ESCO1: variants seen among roughly 807,000 people sequenced by gnomAD.
The protein encoded by ESCO1 is establishment of sister chromatid cohesion N-acetyltransferase 1, also known as N-acetyltransferase ESCO1.
A neutral mutation model predicts 83.5 loss-of-function variants in ESCO1; 33 were observed. The observed-to-expected ratio is 0.40, with a 90% CI of 0.30 to 0.53. ESCO1 has a LOEUF of 0.53. ESCO1 is among the 20% of genes least tolerant of loss of function. The pLI is 0.63. For missense variants in ESCO1, 855 were observed against 968.0 expected, an observed-to-expected ratio of 0.88 and a Z score of 1.55; for synonymous variants, 332 against 324.3, an observed-to-expected ratio of 1.02 and a Z score of -0.25.
chr18:21,564,631 C>T (rs1250316382), intron 6 of ESCO1, among the ~76,000 whole-genome samples: 1 of 151,628 alleles, frequency 6.6e-6, no homozygotes, highest in Admixed American at 6.6e-5. Flanking sequence ...CTCCTGACCT[C>T]GTGATCCGCC....
At chr18:21,572,237 T>C (rs1725249647) in intron 4 of ESCO1, among the ~76,000 whole-genome samples, 1 of 152,192 alleles carries the variant, frequency 6.6e-6, no homozygotes, top group African/African-American at 2.4e-5. Flanking sequence ...CACTCCAAGT[T>C]TTCTTATTAT....
At chr18:21,587,344 T>C (rs2038596366) in intron 1 of ESCO1, among the ~76,000 whole-genome samples, 1 of 152,212 alleles carries the variant, frequency 6.6e-6, no homozygotes, top group African/African-American at 2.4e-5. Context: ...TGTTAATTCT[T>C]CTTTAAATGT....
Position 21,574,547 on chromosome 18 carries a change from T to C in ESCO1, c.297A>G (p.Lys99=), listed in dbSNP as rs1398915032. The C allele has an allele frequency of 2.5e-6, 4 of 1,613,804 alleles. No individual in the cohort carries two copies. The South Asian group carries it at 4.4e-5, about 18-fold the overall frequency. Residue 99 remains lysine, a synonymous_variant, in exon 4 of 12, where the codon AAA becomes AAG. Coordinates refer to ENST00000269214, the MANE Select transcript of ESCO1 (RefSeq NM_052911.3). ...CTAATTTTTTCTGAGATAATTTCTTTTTTGTAGATTCTTGTGAATATCCCC... is the reference window on the plus strand; with the variant it reads ...CTAATTTTTTCTGAGATAATTTCTTCTTTGTAGATTCTTGTGAATATCCCC... ...TVRGYSQEST[K]KKLSQKKLVH...
intron 8 of ESCO1, among the ~76,000 whole-genome samples, chr18:21,554,895 G>A (rs2038093089): frequency 6.6e-6 from 1 of 151,146 alleles, no homozygotes; most frequent in South Asian, 2.1e-4. Context: ...GGGACAGAGT[G>A]AGGCTCCGTC....
At chr18:21,536,442 T>C (rs553794173) in intron 9 of ESCO1, among the ~76,000 whole-genome samples, 8 of 151,892 alleles carry the variant, frequency 5.3e-5, no homozygotes, top group Non-Finnish European at 1.5e-5. Flanking sequence ...TATTAAAAAA[T>C]TAGCCAGGTG....
intron 1 of ESCO1, among the ~76,000 whole-genome samples, chr18:21,590,249 T>C (rs2038645600): frequency 1.3e-5 from 2 of 149,548 alleles, no homozygotes; most frequent in Admixed American, 6.7e-5. Flanking sequence ...TGAGACTGCC[T>C]CTCACTCTGT....
chr18:21,535,422 G>A (rs1275048738), intron 10 of ESCO1, among the ~76,000 whole-genome samples: 11 of 143,156 alleles, frequency 7.7e-5, no homozygotes, highest in South Asian at 6.8e-4. Context: ...GTCTTGTGTC[G>A]CCCAGGCTGG....
At chr18:21,532,377 A>T in intron 11 of ESCO1, 96 bp downstream of exon 11, 1 of 1,310,608 alleles carries the variant, frequency 7.6e-7, no homozygotes, top group Non-Finnish European at 1.0e-6. Flanking sequence ...ACAAATAAAG[A>T]TTATACGCAT....
chr18:21,565,515 C>A (rs1407570621), intron 6 of ESCO1, among the ~76,000 whole-genome samples: 3 of 152,184 alleles, frequency 2.0e-5, no homozygotes, highest in African/African-American at 7.2e-5. Flanking sequence ...AGCAAAGATA[C>A]ATGTGTTTAA....
chr18:21,574,245 G>T lies in ESCO1; in HGVS notation c.599C>A (p.Ser200Tyr). The T allele has an allele frequency of 3.1e-6, 5 of 1,613,754 alleles. No individual in the cohort carries two copies. The highest frequency in any genetic ancestry group is 4.2e-6 in the Non-Finnish European group (5 of 1,179,992). ...TACCTTGCGTTTTTTCCCTTTGGGA[G>T]AATTTATTACTTCATTAATTACTAG... ...ENLVINEVIN[S>Y]PKGKKRKVEH... Residue 200 changes from serine (S) to tyrosine (Y), a missense_variant, in exon 4 of 12, where the codon TCT becomes TAT. Physicochemically the swap from Ser to Tyr is moderately radical, Grantham distance 144. Around this residue, in one of 2 missense-constraint regions of ESCO1, gnomAD observed 726 missense variants for 699.5 expected, o/e 1.04. Coordinates refer to ENST00000269214, the MANE Select transcript of ESCO1 (RefSeq NM_052911.3).
At position 21,587,005 on chromosome 18, in the gene ESCO1, G is replaced by A. The variant is rs148111218; in HGVS notation, c.-824-2565C>T. Among the ~76,000 whole-genome samples, 125 of 152,082 alleles carry A rather than the reference G, an allele frequency of 8.2e-4. No individual in the cohort carries two copies. In the Middle Eastern group the frequency reaches 0.014, roughly 17 times the overall value. On this transcript the variant is annotated intron_variant, in intron 1 of 11. Transcript: ENST00000269214. ...TGCATCTATTGAGGTAATCATGTCC[G>A]TTTCTTTCCTTTATTCTATCAACAT... is the stretch of plus-strand genomic sequence containing the variant.
intron 2 of ESCO1, among the ~76,000 whole-genome samples, chr18:21,577,282 G>C (rs1162038965): frequency 6.8e-6 from 1 of 146,628 alleles, no homozygotes; most frequent in Non-Finnish European, 1.5e-5. Context: ...ACTTGAACCT[G>C]GGAGGCGGAG....
rs192876541 is a variant in ESCO1 at position 21,574,241 on chromosome 18, G to A, written c.603C>T (p.Pro201=). The A allele has an allele frequency of 2.5e-6, 4 of 1,613,372 alleles. No individual in the cohort carries two copies. The highest frequency in any genetic ancestry group is 3.4e-6 in the Non-Finnish European group (4 of 1,179,910). Residue 201 remains proline (P), a synonymous_variant, in exon 4 of 12, where the codon CCC becomes CCT. Transcript: ENST00000269214. ...NLVINEVINS[P]KGKKRKVEHQ... is the part of the protein sequence containing the mutation. Reference sequence around the variant, plus strand: ...GTTCTACCTTGCGTTTTTTCCCTTTGGGAGAATTTATTACTTCATTAATTA... The same window carrying A: ...GTTCTACCTTGCGTTTTTTCCCTTTAGGAGAATTTATTACTTCATTAATTA...
intron 4 of ESCO1, among the ~76,000 whole-genome samples, chr18:21,572,731 G>A (rs770903294): frequency 1.4e-4 from 22 of 152,150 alleles, no homozygotes; most frequent in Non-Finnish European, 2.4e-4. Flanking sequence ...TTGGGAGGCC[G>A]AGGTGGATGG....
chr18:21,595,982 T>C (rs996428018), intron 1 of ESCO1, among the ~76,000 whole-genome samples: 1 of 151,034 alleles, frequency 6.6e-6, no homozygotes, highest in African/African-American at 2.4e-5. Flanking sequence ...AATAAATAAA[T>C]AAATAAAATA....
chr18:21,548,243 A>T (rs1476639749), intron 8 of ESCO1, among the ~76,000 whole-genome samples: 13 of 152,248 alleles, frequency 8.5e-5, no homozygotes, highest in Non-Finnish European at 1.8e-4. Flanking sequence ...CTGTAATCTC[A>T]ACACTTTGGG....
At chr18:21,567,431 C>A (rs1383808882) in intron 5 of ESCO1, among the ~76,000 whole-genome samples, 1 of 151,794 alleles carries the variant, frequency 6.6e-6, no homozygotes, top group Non-Finnish European at 1.5e-5. Flanking sequence ...TTCCAAAGTG[C>A]TGCGATTACA....
At chr18:21,555,500 T>C (rs2038101771) in intron 8 of ESCO1, among the ~76,000 whole-genome samples, 1 of 152,086 alleles carries the variant, frequency 6.6e-6, no homozygotes, top group Non-Finnish European at 1.5e-5. Context: ...TATACACGTG[T>C]GGAATTAAGG....
At chr18:21,583,643 C>CA (rs61576801) in intron 2 of ESCO1, among the ~76,000 whole-genome samples, 5,230 of 120,758 alleles carry the variant, frequency 0.043, 172 homozygotes, top group African/African-American at 0.11. Flanking sequence ...GAGACTGTCT[C>CA]AAAAAAAAAA....
Sources: allele counts gnomAD v4.1 joint callset (sites outside exome capture counted in the v4.1 genomes callset), GRCh38; gene constraint gnomAD v4.1.1; regional missense constraint gnomAD v4.1.1; transcripts MANE v1.5; gene names NCBI Gene and HGNC (gene_info 2026-07-23, HGNC 2026-07-21).